DPYSL5: variants seen among roughly 807,000 people sequenced by gnomAD.
DPYSL5 encodes the protein dihydropyrimidinase-related protein 5.
DPYSL5 carries 9 observed loss-of-function variants against 58.4 expected under a neutral mutation model. The observed-to-expected ratio is 0.15, with a 90% CI of 0.09 to 0.27. DPYSL5 has a LOEUF of 0.27. Among genes scored for constraint, DPYSL5 ranks in the 10% least tolerant of loss-of-function variants. The pLI, the probability that DPYSL5 is intolerant of heterozygous loss-of-function variation, is 1.00. For missense variants in DPYSL5, 499 were observed against 770.6 expected (o/e 0.65, Z 4.17); for synonymous variants, 293 against 301.9 (o/e 0.97, Z 0.31).
intron 1 of DPYSL5, among the ~76,000 whole-genome samples, chr2:26,874,871 G>T (rs923195431): frequency 2.0e-5 from 3 of 152,174 alleles, no homozygotes; most frequent in South Asian, 2.1e-4. Context: ...CCACAAAAAG[G>T]CCTATTAGGA....
At chr2:26,920,763 TCAAA>T (rs1664682171) in intron 2 of DPYSL5, among the ~76,000 whole-genome samples, 1 of 152,214 alleles carries the variant, frequency 6.6e-6, no homozygotes. Flanking sequence ...AGACTGTGTC[TCAAA>T]CAAACAAACC....
chr2:26,873,952 C>T (rs1663337661), intron 1 of DPYSL5, among the ~76,000 whole-genome samples: 1 of 152,200 alleles, frequency 6.6e-6, no homozygotes, highest in African/African-American at 2.4e-5. Flanking sequence ...ATACACCATT[C>T]TACTGGGCAT....
chr2:26,904,362 G>A (rs914485258), intron 2 of DPYSL5, among the ~76,000 whole-genome samples: 1 of 152,196 alleles, frequency 6.6e-6, no homozygotes, highest in African/African-American at 2.4e-5. Context: ...GCCTATAAAT[G>A]TGGCTCACTT....
At chr2:26,907,647 C>T (rs962743728) in intron 2 of DPYSL5, among the ~76,000 whole-genome samples, 1 of 152,170 alleles carries the variant, frequency 6.6e-6, no homozygotes, top group African/African-American at 2.4e-5. Flanking sequence ...TCCATGGACA[C>T]CCCATGCTGC....
rs1211446229 is a variant in DPYSL5 at position 26,944,883 on chromosome 2, G to A, written c.1609+59G>A. On this transcript the variant is annotated intron_variant, in intron 12 of 12. Transcript: ENST00000288699. The surrounding 1 kb of genome is among the most constrained non-coding windows in gnomAD (Gnocchi z 4.4). ...GGTCTGGGAGAAGTGGCCCACCTAG[G>A]CAGTGGGACTTACGCCTGCTTTTCT... is the stretch of plus-strand genomic sequence containing the variant. 9.1e-6 allele frequency: 14 copies of A among 1,541,984 alleles called. No homozygotes were observed. Among genetic ancestry groups the A allele is most frequent in the African/African-American group, 1.4e-5 (1 of 73,082 alleles).
chr2:26,916,574 C>A (rs189544376), intron 2 of DPYSL5, among the ~76,000 whole-genome samples: 1 of 152,216 alleles, frequency 6.6e-6, no homozygotes, highest in Non-Finnish European at 1.5e-5. Flanking sequence ...CTAATCAGAC[C>A]TGCCTCAGCC....
chr2:26,940,375 T>C (rs1665284842), intron 9 of DPYSL5, among the ~76,000 whole-genome samples: 1 of 152,042 alleles, frequency 6.6e-6, no homozygotes, highest in African/African-American at 2.4e-5. Flanking sequence ...GTAAGACCTA[T>C]TATGGAAATT....
At chr2:26,888,577 C>T (rs1041790486) in intron 1 of DPYSL5, among the ~76,000 whole-genome samples, 1 of 152,126 alleles carries the variant, frequency 6.6e-6, no homozygotes, top group East Asian at 1.9e-4. Context: ...TGCTCAGCCA[C>T]GATTTATTCT....
At chr2:26,862,026 G>A (rs1666029709) in intron 1 of DPYSL5, among the ~76,000 whole-genome samples, 1 of 152,202 alleles carries the variant, frequency 6.6e-6, no homozygotes, top group Non-Finnish European at 1.5e-5. Context: ...CTGCAACCAT[G>A]TGGAAATGAA....
At chr2:26,888,176 C>T (rs112568861) in intron 1 of DPYSL5, among the ~76,000 whole-genome samples, 9 of 150,868 alleles carry the variant, frequency 6.0e-5, no homozygotes, top group African/African-American at 2.2e-4. Flanking sequence ...CTTTCTTTCT[C>T]TTTCTTTCTT....
In DPYSL5 at chr2:26,934,475, G is replaced by A; in HGVS notation, c.791-103G>A. On this transcript the variant is annotated intron_variant, in intron 7 of 12. Coordinates refer to ENST00000288699, the MANE Select transcript of DPYSL5 (RefSeq NM_020134.4). The surrounding 1 kb of genome is among the most constrained non-coding windows in gnomAD (Gnocchi z 4.3). ...TGTGAGCTTGGGCAGGTCCCTTCCT[G>A]TCTCTGACCTCAGCTCCTTCACCTG... The A allele has an allele frequency of 2.8e-6, 4 of 1,427,832 alleles. No individual in the cohort carries two copies. Among genetic ancestry groups the A allele is most frequent in the South Asian group, 1.3e-5 (1 of 75,890 alleles). 88.4% of individuals were successfully genotyped at this position (1,427,832 alleles called of 1,614,324 possible).
chr2:26,925,345 G>A lies in DPYSL5; in HGVS notation c.420+300G>A, dbSNP rs944763546. On this transcript the variant is annotated intron_variant, in intron 3 of 12. Coordinates refer to ENST00000288699, the MANE Select transcript of DPYSL5 (RefSeq NM_020134.4). This position sits in a 1 kb window ranked among gnomAD's most constrained non-coding sequence, Gnocchi z 4.5. Reference sequence around the variant, plus strand: ...TCTTACCGTCTCGTGTGAATGTAGGGCACCACTGACAGGTCATGGGCAGTG... The same window carrying A: ...TCTTACCGTCTCGTGTGAATGTAGGACACCACTGACAGGTCATGGGCAGTG... Among the ~76,000 whole-genome samples, 1 of 152,130 alleles carries A rather than the reference G, an allele frequency of 6.6e-6. No homozygotes were observed. The highest frequency in any genetic ancestry group is 1.5e-5 in the Non-Finnish European group (1 of 68,028).
rs1408696672 is a variant in DPYSL5, at chr2:26,875,215, G to A, written c.-4-23281G>A. 2.0e-5 allele frequency among the ~76,000 whole-genome samples: 3 copies of A among 152,348 alleles called. No individual in the cohort carries two copies. In the East Asian group the frequency reaches 5.8e-4, roughly 29 times the overall value. The stretch of plus-strand genomic sequence containing the variant: ...ACTAGGACTGGAGTGGGTGGAGGGT[G>A]GTGAAGGGACAGCTCATCACAGACA... On this transcript the variant is annotated intron_variant, in intron 1 of 12. Coordinates refer to ENST00000288699, the MANE Select transcript of DPYSL5 (RefSeq NM_020134.4).
At chr2:26,861,566 C>T (rs1179561422) in intron 1 of DPYSL5, among the ~76,000 whole-genome samples, 1 of 152,156 alleles carries the variant, frequency 6.6e-6, no homozygotes, top group Non-Finnish European at 1.5e-5. Flanking sequence ...GGTATCGGTG[C>T]AGAGAGAATG....
intron 1 of DPYSL5, among the ~76,000 whole-genome samples, chr2:26,878,954 G>A (rs1434513567): frequency 6.6e-6 from 1 of 152,216 alleles, no homozygotes; most frequent in Non-Finnish European, 1.5e-5. Context: ...TCAGTGTGAA[G>A]TGCTTCCCCA....
At chr2:26,912,673 C>T (rs1302967606) in intron 2 of DPYSL5, among the ~76,000 whole-genome samples, 1 of 152,224 alleles carries the variant, frequency 6.6e-6, no homozygotes, top group East Asian at 1.9e-4. Flanking sequence ...CGGGAGCCAG[C>T]CGGCTCCGTA....
intron 1 of DPYSL5, among the ~76,000 whole-genome samples, chr2:26,880,515 C>A (rs1455578923): frequency 6.6e-6 from 1 of 152,228 alleles, no homozygotes; most frequent in Non-Finnish European, 1.5e-5. Context: ...TTGCTCTGCA[C>A]CCCTGATTTA....
At chr2:26,907,400 T>G (rs1664323156) in intron 2 of DPYSL5, among the ~76,000 whole-genome samples, 1 of 152,148 alleles carries the variant, frequency 6.6e-6, no homozygotes, top group African/African-American at 2.4e-5. Context: ...AGGCATGAGC[T>G]ACTGCGCCCA....
rs1665425772 is a variant in DPYSL5 at position 26,944,823 on chromosome 2, T to G, written c.1608T>G (p.Ser536=). The stretch of plus-strand genomic sequence containing the variant: ...TTCACGAATCCAGCTTCAGCCTCTC[T>G]GGTAAGAGTCAGGGGGCCACGGGAG... ...RDLHESSFSL[S]GSQIDDHVPK... Residue 536 remains serine, a splice_region_variant and synonymous_variant, in exon 12 of 13, where the codon TCT becomes TCG. Transcript: ENST00000288699. This position sits in a 1 kb window ranked among gnomAD's most constrained non-coding sequence, Gnocchi z 4.4. 1.1e-5 allele frequency: 17 copies of G among 1,613,908 alleles called. No homozygotes were observed. Among genetic ancestry groups the G allele is most frequent in the Non-Finnish European group, 1.4e-5 (17 of 1,179,922 alleles).
Sources: gnomAD v4.1 joint callset for allele counts (sites outside exome capture counted in the v4.1 genomes callset) on GRCh38, gnomAD v4.1.1 for gene constraint, Gnocchi (gnomAD v3.1) non-coding constraint, MANE v1.5 for transcripts, NCBI Gene and HGNC (gene_info 2026-07-23, HGNC 2026-07-21) for gene names.